Variants in MGST2 observed in about 807,000 individuals in gnomAD.
The protein encoded by MGST2 is microsomal glutathione S-transferase 2.
Under a neutral mutation model 16.6 loss-of-function variants are expected in MGST2, and 9 were observed. That is an observed-to-expected ratio of 0.54 (90% CI 0.33 to 0.95). The LOEUF (loss-of-function observed/expected upper bound fraction) is 0.95, where lower values mean the gene tolerates loss of function less well. MGST2 is among the 40% of genes least tolerant of loss of function. MGST2 has a pLI of 0.03. For synonymous variants in MGST2, 79 were observed against 68.0 expected (o/e 1.16, Z -0.79); for missense variants, 159 against 175.1 (o/e 0.91, Z 0.52).
chr4:139,709,130 C>G (rs1447391509), downstream of MGST2, among the ~76,000 whole-genome samples: 4 of 126,490 alleles, frequency 3.2e-5, 1 homozygote, highest in East Asian at 1.1e-3. Context: ...TCGCCCAGGC[C>G]GGAGTGCAGT....
chr4:139,692,636 G>A (rs777242208), intron 2 of MGST2, among the ~76,000 whole-genome samples: 2 of 152,366 alleles, frequency 1.3e-5, no homozygotes, highest in Non-Finnish European at 2.9e-5. Context: ...CGATCCGTCA[G>A]CATCTGTTCT....
At chr4:139,743,300 T>C (rs1729221699), downstream of MGST2, among the ~76,000 whole-genome samples, 1 of 152,234 alleles carries the variant, frequency 6.6e-6, no homozygotes, top group Non-Finnish European at 1.5e-5. Flanking sequence ...CAGGGAGATC[T>C]AACCTGCTGT....
chr4:139,732,384 A>G (rs7685341), intron 5 of MGST2, among the ~76,000 whole-genome samples: 39,861 of 151,964 alleles, frequency 0.26, 5,424 homozygotes, highest in East Asian at 0.32. Context: ...ACTGACTTCA[A>G]CTGCATCTTC....
intron 3 of MGST2, among the ~76,000 whole-genome samples, chr4:139,702,844 G>GTTTTTTTTTGTTTTTTTTTTTTTTTTT (rs1727328068): frequency 2.2e-5 from 1 of 46,424 alleles, no homozygotes; most frequent in Non-Finnish European, 4.5e-5. Context: ...TGTGTTACTG[G>GTTTTTTTTTGTTTTTTTTTTTTTTTTT]TTTTTTTTTT....
At chr4:139,733,580 C>T (rs1162904444) in intron 5 of MGST2, among the ~76,000 whole-genome samples, 1 of 151,542 alleles carries the variant, frequency 6.6e-6, no homozygotes, top group Non-Finnish European at 1.5e-5. Flanking sequence ...AAAAAACCCT[C>T]CCAAAGGGAT....
chr4:139,706,172 A>C (rs1004749919), downstream of MGST2, among the ~76,000 whole-genome samples: 6 of 152,204 alleles, frequency 3.9e-5, no homozygotes, highest in Non-Finnish European at 7.3e-5. Flanking sequence ...TACAGTATTA[A>C]ATACCCCAAA....
At chr4:139,725,884 G>A in intron 5 of MGST2, 2 of 1,469,802 alleles carry the variant, frequency 1.4e-6, no homozygotes, top group Non-Finnish European at 9.5e-7. Flanking sequence ...TAGGGAGCAA[G>A]CACACAATTC....
intron 2 of MGST2, among the ~76,000 whole-genome samples, chr4:139,683,806 G>A (rs933297965): frequency 3.9e-5 from 6 of 152,060 alleles, no homozygotes; most frequent in African/African-American, 1.4e-4. Context: ...ATGTGGTTGG[G>A]GAAGCCTCAC....
intron 3 of MGST2, among the ~76,000 whole-genome samples, chr4:139,700,324 T>G (rs6536382): frequency 0.61 from 92,531 of 151,400 alleles, 29,796 homozygotes; most frequent in African/African-American, 0.81. Flanking sequence ...GTAGAGATGC[T>G]GTTTCACTGT....
intron 1 of MGST2, among the ~76,000 whole-genome samples, chr4:139,671,411 G>C (rs1730685605): frequency 6.6e-6 from 1 of 152,122 alleles, no homozygotes; most frequent in Non-Finnish European, 1.5e-5. Context: ...AAATAAAGTT[G>C]AAACTCTACA....
At chr4:139,740,757 A>G (rs772259528), downstream of MGST2, 8 of 152,274 alleles carry the variant, frequency 5.3e-5, no homozygotes, top group Non-Finnish European at 7.3e-5. Context: ...AGACAGGAAG[A>G]AGGGAAGGGA....
intron 2 of MGST2, among the ~76,000 whole-genome samples, chr4:139,680,098 A>C (rs747974147): frequency 7.2e-5 from 11 of 152,156 alleles, no homozygotes; most frequent in Non-Finnish European, 1.5e-4. Context: ...TTGATTCACA[A>C]ATTTTAGACA....
chr4:139,714,073 C>A (rs1230657444), intron 5 of MGST2, among the ~76,000 whole-genome samples: 1 of 152,118 alleles, frequency 6.6e-6, no homozygotes, highest in African/African-American at 2.4e-5. Context: ...GGTCAAGCTC[C>A]CAAGGACATA....
chr4:139,684,852 C>T (rs941616817), intron 2 of MGST2, among the ~76,000 whole-genome samples: 2 of 152,192 alleles, frequency 1.3e-5, no homozygotes, highest in Non-Finnish European at 2.9e-5. Context: ...AAGTCCCTAA[C>T]AGTCTCTGGT....
chr4:139,710,690 G>A (rs188008102), intron 5 of MGST2, among the ~76,000 whole-genome samples: 1 of 152,142 alleles, frequency 6.6e-6, no homozygotes, highest in Non-Finnish European at 1.5e-5. Context: ...CCCACTAAGG[G>A]TAGCGATGGC....
intron 1 of MGST2, among the ~76,000 whole-genome samples, chr4:139,667,720 TG>T (rs1402500769): frequency 3.9e-5 from 6 of 151,944 alleles, no homozygotes; most frequent in African/African-American, 1.2e-4. Context: ...TTGCTGGACA[TG>T]GTGGCACGCT....
chr4:139,698,014 C>T (rs1484238799), intron 3 of MGST2: 6 of 574,058 alleles, frequency 1.0e-5, no homozygotes, highest in South Asian at 4.6e-5. Flanking sequence ...TTTTTCCACT[C>T]GCAATCATAT....
intron 1 of MGST2, among the ~76,000 whole-genome samples, chr4:139,671,221 T>C (rs1033486104): frequency 6.6e-6 from 1 of 152,166 alleles, no homozygotes; most frequent in African/African-American, 2.4e-5. Context: ...AATTCAGTTT[T>C]TCAGGTCTCT....
chr4:139,684,271 G>A (rs8192072), intron 2 of MGST2, among the ~76,000 whole-genome samples: 5,734 of 152,226 alleles, frequency 0.038, 147 homozygotes, highest in African/African-American at 0.067. Context: ...CACAAGAATA[G>A]CATGGGAAAG....
Sources: gnomAD v4.1 joint callset for allele counts (sites outside exome capture counted in the v4.1 genomes callset) on GRCh38, gnomAD v4.1.1 for gene constraint, MANE v1.5 for transcripts, NCBI Gene and HGNC (gene_info 2026-07-23, HGNC 2026-07-21) for gene names.